Variants in GAS5 observed in about 807,000 individuals in gnomAD.
The protein encoded by GAS5 is growth arrest specific 5 (non-protein coding).
At chr1:173,867,247 G>C (rs1399842222), upstream of GAS5, 3 of 516,806 alleles carry the variant, frequency 5.8e-6, no homozygotes, top group Admixed American at 1.1e-4. Context: ...GGCCGGGCGC[G>C]GTGGCTCACG....
intron 5 of GAS5, chr1:173,865,578 T>C (rs370941080): frequency 5.6e-4 from 288 of 518,674 alleles, no homozygotes; most frequent in Non-Finnish European, 8.3e-4. Flanking sequence ...TCCATTAAAA[T>C]GCTAAACATC....
chr1:173,868,427 G>A (rs1300577920), upstream of GAS5: 2 of 153,254 alleles, frequency 1.3e-5, no homozygotes, highest in African/African-American at 4.8e-5. Flanking sequence ...TCCTTGACTG[G>A]ACTCGGGCCC....
intron 1 of GAS5, chr1:173,866,842 C>CA (rs1243515077): frequency 1.2e-5 from 9 of 765,384 alleles, no homozygotes; most frequent in Non-Finnish European, 2.2e-5. Context: ...ATGAACCTCA[C>CA]AGCAGTCACG....
At chr1:173,865,306 C>CCAATA (rs909365366) in intron 6 of GAS5, 9 of 457,684 alleles carry the variant, frequency 2.0e-5, no homozygotes, top group Non-Finnish European at 3.5e-5. Context: ...ATCTCCTTTA[C>CCAATA]CAATAGGTAG....
intron 7 of GAS5, chr1:173,864,175 G>T: frequency 3.9e-6 from 2 of 518,240 alleles, no homozygotes; most frequent in Non-Finnish European, 7.7e-6. Flanking sequence ...TTGTCATCAA[G>T]TAATCAGTGA....
At chr1:173,865,834 C>A in intron 5 of GAS5, 1 of 511,904 alleles carries the variant, frequency 2.0e-6, no homozygotes, top group South Asian at 1.4e-5. Context: ...TTAAGTCTAT[C>A]TACTGTTTTC....
chr1:173,868,015 T>C (rs1655094488), upstream of GAS5: 1 of 215,206 alleles, frequency 4.6e-6, no homozygotes, highest in Non-Finnish European at 9.8e-6. Context: ...GGCTCCTGTA[T>C]ATAAGAGTTC....
At chr1:173,867,145 G>A, upstream of GAS5, 3 of 593,044 alleles carry the variant, frequency 5.1e-6, no homozygotes, top group South Asian at 6.3e-5. Flanking sequence ...CAATGATGCA[G>A]GTAACATACC....
At chr1:173,864,944 C>G (rs773793034) in intron 6 of GAS5, 1 of 514,496 alleles carries the variant, frequency 1.9e-6, no homozygotes, top group African/African-American at 1.9e-5. Context: ...TGAGGCGGGG[C>G]ATGGTGGCTC....
At chr1:173,865,140 AGT>A (rs1483706329) in intron 6 of GAS5, 2 of 341,600 alleles carry the variant, frequency 5.9e-6, no homozygotes, top group African/African-American at 4.3e-5. Flanking sequence ...CAGAGGTTGC[AGT>A]GAACTGATAG....
chr1:173,865,501 T>G (rs1654446399), exon 6 of GAS5: 1 of 508,872 alleles, frequency 2.0e-6, no homozygotes, highest in Non-Finnish European at 3.9e-6. Context: ...ACTGTCTTCA[T>G]GTCCTTACCC....
intron 7 of GAS5, chr1:173,863,996 G>T: frequency 1.5e-5 from 5 of 336,362 alleles, no homozygotes; most frequent in South Asian, 1.1e-4. Context: ...CTGGGAGGCT[G>T]AGGATCACTT....
chr1:173,866,315 G>C (rs747132163), intron 3 of GAS5: 1 of 518,918 alleles, frequency 1.9e-6, no homozygotes, highest in Admixed American at 1.9e-5. Context: ...ACATCAGACA[G>C]ATAGTACATC....
intron 2 of GAS5, chr1:173,866,685 G>C (rs566324400): frequency 2.6e-6 from 2 of 765,140 alleles, no homozygotes; most frequent in East Asian, 4.9e-5. Context: ...TAGCACTCAA[G>C]AGTAGCAAAT....
chr1:173,866,317 T>C lies in GAS5; in HGVS notation n.132-111A>G, dbSNP rs770873429. The C allele has an allele frequency of 7.1e-5, 37 of 519,372 alleles. No individual in the cohort carries two copies. In the Middle Eastern group the frequency reaches 8.4e-3, roughly 117 times the overall value. The allele number at this position is 519,372 out of a possible 1,614,324, so 32.2% of individuals were successfully genotyped here. A position where few individuals can be genotyped will look rare whatever the true frequency, so the allele number is the denominator to read the frequency against. ...AACTACCCCAGATACATCAGACAGA[T>C]AGTACATCTCTTCATGATTAAATCT... On this transcript the variant is annotated intron_variant and non_coding_transcript_variant, in intron 3 of 7. Transcript: ENST00000651080.
chr1:173,867,511 CAAAAAA>C, upstream of GAS5: 1 of 373,838 alleles, frequency 2.7e-6, no homozygotes, highest in Non-Finnish European at 5.4e-6. Context: ...GGCTCGGTCT[CAAAAAA>C]GAAAAAAGAA....
At chr1:173,867,692 G>A (rs1655002571), upstream of GAS5, 2 of 518,940 alleles carry the variant, frequency 3.9e-6, no homozygotes, top group African/African-American at 1.9e-5. Context: ...AGAGCGGTTG[G>A]CATTCATCAT....
Position 173,865,254 on chromosome 1 carries a change from C to G in GAS5, n.276+217G>C, listed in dbSNP as rs532860507. ...CTTTGCTTCTTTAAAACTTGCTCCA[C>G]ACAGTGTAGTCAAGCCGACTCTCCA... On this transcript the variant is annotated intron_variant and non_coding_transcript_variant, in intron 6 of 7. Coordinates refer to ENST00000651080, the Ensembl canonical transcript of GAS5. The G allele has an allele frequency of 3.2e-4, 118 of 373,396 alleles. 1 individual carries two copies. Among genetic ancestry groups the G allele is most frequent in the South Asian group, 2.3e-3 (112 of 48,804 alleles). 23.1% of individuals were successfully genotyped at this position (373,396 alleles called of 1,614,324 possible). A position where few individuals can be genotyped will look rare whatever the true frequency, so the allele number is the denominator to read the frequency against.
At chr1:173,865,891 C>A in exon 5 of GAS5, 1 of 518,844 alleles carries the variant, frequency 1.9e-6, no homozygotes, top group Non-Finnish European at 3.8e-6. Context: ...AAGTTGGACT[C>A]CACCTAAGAA....
Sources: allele counts gnomAD v4.1 joint callset, GRCh38; gene constraint gnomAD v4.1.1; transcripts MANE v1.5; gene names NCBI Gene and HGNC (gene_info 2026-07-23, HGNC 2026-07-21).